Variants in CHAMP1 observed in about 807,000 individuals in gnomAD.
The protein encoded by CHAMP1 is chromosome alignment maintaining phosphoprotein 1.
CHAMP1 carries 4 observed loss-of-function variants against 54.5 expected under a neutral mutation model. The observed-to-expected ratio is 0.07, with a 90% CI of 0.04 to 0.17. The LOEUF is 0.17. Among genes scored for constraint, CHAMP1 ranks in the 10% least tolerant of loss-of-function variants. The pLI, the probability that CHAMP1 is intolerant of heterozygous loss-of-function variation, is 1.00. For synonymous variants in CHAMP1, 368 were observed against 342.2 expected (o/e 1.08, Z -0.83); for missense variants, 994 against 968.6 (o/e 1.03, Z -0.35).
rs782508751 is a variant in CHAMP1, at chr13:114,325,803, A to C, written c.1961A>C (p.Asp654Ala). 2.5e-6 allele frequency: 4 copies of C among 1,614,226 alleles called. No homozygotes were observed. Among genetic ancestry groups the C allele is most frequent in the Non-Finnish European group, 3.4e-6 (4 of 1,180,038 alleles). ...MDIKGQESSS[D>A]QEQVDVESID... ...ATTAAGGGCCAGGAATCAAGCAGTGATCAAGAGCAGGTTGATGTGGAATCC... is the reference window on the plus strand; with the variant it reads ...ATTAAGGGCCAGGAATCAAGCAGTGCTCAAGAGCAGGTTGATGTGGAATCC... Residue 654 changes from aspartate (D) to alanine (A), a missense_variant, in exon 3 of 3, where the codon GAT (aspartate) becomes GCT (alanine). Coordinates refer to ENST00000361283, the MANE Select transcript of CHAMP1 (RefSeq NM_032436.4).
In CHAMP1 at chr13:114,324,494, G is replaced by A. The variant is rs782717643; in HGVS notation, c.652G>A (p.Val218Ile). The A allele has an allele frequency of 6.2e-7, 1 of 1,613,968 alleles. No homozygotes were observed. Among genetic ancestry groups the A allele is most frequent in the Non-Finnish European group, 8.5e-7 (1 of 1,179,982 alleles). Residue 218 changes from valine to isoleucine, a missense_variant, in exon 3 of 3, where the codon GTA becomes ATA. Val to Ile is a conservative substitution (Grantham distance 29, BLOSUM62 3). This residue lies in a region of CHAMP1 where 851 missense variants were observed against 701.3 expected (regional missense o/e 1.21). Coordinates refer to ENST00000361283, the MANE Select transcript of CHAMP1 (RefSeq NM_032436.4). ...QKPAPVSPES[V>I]KATLSNPKPQ... ...ACCTGCCCCTGTATCTCCTGAGTCA[G>A]TAAAGGCTACTCTTAGTAATCCCAA...
At chr13:114,317,278 G>T (rs1241264999) in intron 1 of CHAMP1, among the ~76,000 whole-genome samples, 13 of 151,958 alleles carry the variant, frequency 8.6e-5, no homozygotes, top group Non-Finnish European at 1.9e-4. Context: ...GCCTGCCTTG[G>T]CCTCCCAAAG....
chr13:114,326,341 T>G lies in CHAMP1; in HGVS notation c.*60T>G, dbSNP rs570263813. 8.8e-4 allele frequency: 1,318 copies of G among 1,502,944 alleles called. No homozygotes were observed. Among genetic ancestry groups the G allele is most frequent in the Non-Finnish European group, 1.1e-3 (1,239 of 1,125,872 alleles). 93.1% of individuals were successfully genotyped at this position (1,502,944 alleles called of 1,614,324 possible). A position where few individuals can be genotyped will look rare whatever the true frequency, so the allele number is the denominator to read the frequency against. ...TTGTTGGAACCATTCTTTGTAAGTATAGCTTATCAGATAGCATAGTTGGAT... is the reference window on the plus strand; with the variant it reads ...TTGTTGGAACCATTCTTTGTAAGTAGAGCTTATCAGATAGCATAGTTGGAT... On this transcript the variant is annotated 3_prime_UTR_variant, in exon 3 of 3. Transcript: ENST00000361283.
chr13:114,321,264 A>C (rs2087166654), intron 2 of CHAMP1, 32 bp downstream of exon 2: 2 of 151,552 alleles, frequency 1.3e-5, no homozygotes, highest in African/African-American at 4.9e-5. Context: ...TGCTTAGGAG[A>C]ATATTTTATG....
At position 114,324,851 on chromosome 13, in the gene CHAMP1, G is replaced by C. The variant is rs2087222372; in HGVS notation, c.1009G>C (p.Ala337Pro). The C allele has an allele frequency of 6.8e-6, 11 of 1,614,034 alleles. No homozygotes were observed. The highest frequency in any genetic ancestry group is 8.5e-6 in the Non-Finnish European group (10 of 1,180,028). The change falls in exon 3 of 3, where the codon GCT becomes CCT. Residue 337 changes from alanine (A) to proline (P), a missense_variant. By Grantham distance (27) the Ala-to-Pro change is conservative. Around this residue, in one of 3 missense-constraint regions of CHAMP1, gnomAD observed 851 missense variants for 701.3 expected, o/e 1.21. Transcript: ENST00000361283. ...AGCATCATCAGGACCTTGGAAGCCA[G>C]CTAAACCTGCTCCATCTGTGTCTCC... ...PSASSGPWKP[A>P]KPAPSVSPGP...
rs1281890446 is a variant in CHAMP1 at position 114,326,857 on chromosome 13, C to CT, written c.*577dup. The CT allele has an allele frequency of 6.0e-6, 1 of 166,962 alleles. No individual in the cohort carries two copies. Among genetic ancestry groups the CT allele is most frequent in the Admixed American group, 6.5e-5 (1 of 15,274 alleles). The allele number at this position is 166,962 out of a possible 1,614,324, so 10.3% of individuals were successfully genotyped here. On this transcript the variant is annotated 3_prime_UTR_variant, in exon 3 of 3. Transcript: ENST00000361283. ...ATTTTCTGCTAATGGGAAAAATTGA[C>CT]TAAGTCTTTAAAATAGTTTGCAGCC...
chr13:114,326,390 C>T lies in CHAMP1; in HGVS notation c.*109C>T, dbSNP rs1277300539. The T allele has an allele frequency of 1.6e-6, 2 of 1,249,902 alleles. No individual in the cohort carries two copies. The highest frequency in any genetic ancestry group is 3.2e-5 in the Admixed American group (1 of 31,156). 77.4% of individuals were successfully genotyped at this position (1,249,902 alleles called of 1,614,324 possible). On this transcript the variant is annotated 3_prime_UTR_variant, in exon 3 of 3. Transcript: ENST00000361283. ...ATCAGTAGATGACATGTATGGTGTA[C>T]CGTGTTTCACTGTCTCAGTTGTGTT...
chr13:114,321,991 A>C (rs1219592557), intron 2 of CHAMP1: 2 of 152,050 alleles, frequency 1.3e-5, no homozygotes, highest in Non-Finnish European at 2.9e-5. Context: ...CAGTATTGCC[A>C]GTGAGAACAT....
rs1403036760 is a variant in CHAMP1 at position 114,327,277 on chromosome 13, T to C, written c.*996T>C. ...TGGATTATTTTATTCTAAAATATTT[T>C]GTCAAATGTGTATCAACCAAATTAA... On this transcript the variant is annotated 3_prime_UTR_variant, in exon 3 of 3. Transcript: ENST00000361283. 6.3e-6 allele frequency: 1 copy of C among 159,376 alleles called. No individual in the cohort carries two copies. Among genetic ancestry groups the C allele is most frequent in the Non-Finnish European group, 1.5e-5 (1 of 68,078 alleles). The allele number at this position is 159,376 out of a possible 1,614,324, so 9.9% of individuals were successfully genotyped here.
Position 114,326,372 on chromosome 13 carries a change from GATGAC to G in CHAMP1, c.*95_*99del. On this transcript the variant is annotated 3_prime_UTR_variant, in exon 3 of 3. Coordinates refer to ENST00000361283, the MANE Select transcript of CHAMP1 (RefSeq NM_032436.4). Reference sequence around the variant, plus strand: ...ATCAGATAGCATAGTTGGATCAGTAGATGACATGTATGGTGTACCGTGTTTCACTG... The same window carrying G: ...ATCAGATAGCATAGTTGGATCAGTAGATGTATGGTGTACCGTGTTTCACTG... 2 of 1,392,002 alleles carry G rather than the reference GATGAC, an allele frequency of 1.4e-6. No homozygotes were observed. Among genetic ancestry groups the G allele is most frequent in the African/African-American group, 1.5e-5 (1 of 68,488 alleles). 86.2% of individuals were successfully genotyped at this position (1,392,002 alleles called of 1,614,324 possible).
intron 1 of CHAMP1, among the ~76,000 whole-genome samples, chr13:114,315,878 C>A (rs1414987957): frequency 1.3e-5 from 2 of 149,660 alleles, no homozygotes; most frequent in Non-Finnish European, 3.0e-5. Context: ...CTCTCGTTGC[C>A]CAGGCTGGAG....
intron 1 of CHAMP1, among the ~76,000 whole-genome samples, chr13:114,314,927 G>C (rs1400303497): frequency 6.6e-6 from 1 of 152,226 alleles, no homozygotes; most frequent in African/African-American, 2.4e-5. Context: ...GGCACAAGAC[G>C]AAAGCCATTC....
At chr13:114,317,249 T>A (rs1490595860) in intron 1 of CHAMP1, among the ~76,000 whole-genome samples, 1 of 151,922 alleles carries the variant, frequency 6.6e-6, no homozygotes, top group African/African-American at 2.4e-5. Flanking sequence ...GGTCACGAAC[T>A]CCTGTCCTCA....
rs1555379890 is a variant in CHAMP1 at position 114,325,714 on chromosome 13, A to G, written c.1872A>G (p.Gln624=). The change falls in exon 3 of 3, where the codon CAA becomes CAG. Residue 624 remains glutamine, a synonymous_variant. Coordinates refer to ENST00000361283, the MANE Select transcript of CHAMP1 (RefSeq NM_032436.4). ...CAAAGAAGCTCAAGAAAGACAACCAAGAGAGCTCAGACGCTGAGCTTAGTA... is the reference window on the plus strand; with the variant it reads ...CAAAGAAGCTCAAGAAAGACAACCAGGAGAGCTCAGACGCTGAGCTTAGTA... ...PSSKKLKKDN[Q]ESSDAELSSS... 6.2e-7 allele frequency: 1 copy of G among 1,614,062 alleles called. No individual in the cohort carries two copies. The highest frequency in any genetic ancestry group is 1.7e-5 in the Admixed American group (1 of 59,986).
rs868651422 is a variant in CHAMP1, at chr13:114,315,876, G to C, written c.-179+1233G>C. Among the ~76,000 whole-genome samples, 8 of 130,890 alleles carry C rather than the reference G, an allele frequency of 6.1e-5. No homozygotes were observed. The South Asian group carries it at 2.0e-3, about 33-fold the overall frequency. The allele number at this position is 130,890 out of a possible 152,430, so 85.9% of individuals were successfully genotyped here. A position where few individuals can be genotyped will look rare whatever the true frequency, so the allele number is the denominator to read the frequency against. ...TTGAGACGGGAGTTTCGCTCTCGTT[G>C]CCCAGGCTGGAGTGCAATGGCCCGA... is the stretch of plus-strand genomic sequence containing the variant. On this transcript the variant is annotated intron_variant, in intron 1 of 2. Coordinates refer to ENST00000361283, the MANE Select transcript of CHAMP1 (RefSeq NM_032436.4).
intron 1 of CHAMP1, among the ~76,000 whole-genome samples, chr13:114,318,857 C>CTTTTTTTTTTTT (rs56669844): frequency 9.5e-4 from 23 of 24,196 alleles, no homozygotes; most frequent in Non-Finnish European, 1.3e-3. Flanking sequence ...TCCTGGTTGC[C>CTTTTTTTTTTTT]TTTTTTTTTT....
chr13:114,318,818 CTT>C (rs113206600), intron 1 of CHAMP1, among the ~76,000 whole-genome samples: 1 of 62,838 alleles, frequency 1.6e-5, no homozygotes, highest in Non-Finnish European at 3.5e-5. Context: ...TTGTAAATGA[CTT>C]TTTTTTTTTT....
Position 114,326,587 on chromosome 13 carries a change from T to C in CHAMP1, c.*306T>C. The C allele has an allele frequency of 4.2e-6, 1 of 239,778 alleles. No homozygotes were observed. Among genetic ancestry groups the C allele is most frequent in the Non-Finnish European group, 8.6e-6 (1 of 116,826 alleles). The allele number at this position is 239,778 out of a possible 1,614,324, so 14.9% of individuals were successfully genotyped here. A position where few individuals can be genotyped will look rare whatever the true frequency, so the allele number is the denominator to read the frequency against. On this transcript the variant is annotated 3_prime_UTR_variant, in exon 3 of 3. Coordinates refer to ENST00000361283, the MANE Select transcript of CHAMP1 (RefSeq NM_032436.4). ...CCATTTAATAATCAAGAGCAAGTTG[T>C]ACTCAAAGCATTCAGTTAAAGTGTA... is the stretch of plus-strand genomic sequence containing the variant.
chr13:114,324,549 C>T lies in CHAMP1; in HGVS notation c.707C>T (p.Thr236Ile). The change falls in exon 3 of 3, where the codon ACA becomes ATA. Residue 236 changes from threonine to isoleucine, a missense_variant. This residue lies in a region of CHAMP1 where 851 missense variants were observed against 701.3 expected (regional missense o/e 1.21). Coordinates refer to ENST00000361283, the MANE Select transcript of CHAMP1 (RefSeq NM_032436.4). Reference sequence around the variant, plus strand: ...CAGAAGCAGTCTCATTTCCCGGAAACATTGGGGCCACCTTCAGCCTCATCT... The same window carrying T: ...CAGAAGCAGTCTCATTTCCCGGAAATATTGGGGCCACCTTCAGCCTCATCT... ...KPQKQSHFPE[T>I]LGPPSASSPE... 6.2e-7 allele frequency: 1 copy of T among 1,614,156 alleles called. No homozygotes were observed. Among genetic ancestry groups the T allele is most frequent in the East Asian group, 2.2e-5 (1 of 44,882 alleles).
Sources: allele counts gnomAD v4.1 joint callset (sites outside exome capture counted in the v4.1 genomes callset), GRCh38; gene constraint gnomAD v4.1.1; regional missense constraint gnomAD v4.1.1; transcripts MANE v1.5; gene names NCBI Gene and HGNC (gene_info 2026-07-23, HGNC 2026-07-21).